CENPE: variants seen among roughly 807,000 people sequenced by gnomAD.
The protein encoded by CENPE is centromere-associated protein E.
In CENPE, 145 loss-of-function variants were observed where a neutral mutation model predicts 336.1. The ratio of observed to expected loss-of-function variants is 0.43; its 90% CI spans 0.38 to 0.50. The LOEUF is 0.50. CENPE is among the 20% of genes least tolerant of loss of function. The pLI is 0.00. For missense variants in CENPE, 2,719 were observed against 3,023.3 expected (o/e 0.90, Z 2.36); for synonymous variants, 1,013 against 984.8 (o/e 1.03, Z -0.54).
intron 44 of CENPE, among the ~76,000 whole-genome samples, chr4:103,118,179 G>A (rs1750307840): frequency 6.6e-6 from 1 of 152,178 alleles, no homozygotes; most frequent in African/African-American, 2.4e-5. Context: ...GTACCATTTT[G>A]CATTTCCACT....
chr4:103,189,719 T>C (rs1375670362), intron 8 of CENPE, among the ~76,000 whole-genome samples: 1 of 152,192 alleles, frequency 6.6e-6, no homozygotes, highest in Non-Finnish European at 1.5e-5. Flanking sequence ...GCATTCCCTT[T>C]AAAAACTGGC....
intron 8 of CENPE, among the ~76,000 whole-genome samples, chr4:103,190,066 C>T (rs968279896): frequency 1.1e-4 from 16 of 152,054 alleles, no homozygotes; most frequent in Non-Finnish European, 1.9e-4. Context: ...AATAAAATAC[C>T]TAGGAATCCA....
chr4:103,178,434 C>T (rs1257916403), intron 13 of CENPE, among the ~76,000 whole-genome samples: 1 of 152,136 alleles, frequency 6.6e-6, no homozygotes, highest in Non-Finnish European at 1.5e-5. Context: ...ACCTATTTCA[C>T]AAAGAAAGTA....
intron 39 of CENPE, among the ~76,000 whole-genome samples, chr4:103,137,684 C>T (rs917979540): frequency 1.3e-5 from 2 of 152,244 alleles, no homozygotes; most frequent in South Asian, 2.1e-4. Flanking sequence ...TTGGCTTTCC[C>T]TTCAATGTAT....
At chr4:103,125,708 T>A (rs1467301152) in intron 42 of CENPE, among the ~76,000 whole-genome samples, 1 of 150,584 alleles carries the variant, frequency 6.6e-6, no homozygotes, top group Non-Finnish European at 1.5e-5. Flanking sequence ...CTAAAAAAAA[T>A]ACAAAAATTA....
chr4:103,157,312 C>T (rs1033430099), intron 24 of CENPE, among the ~76,000 whole-genome samples: 4 of 151,952 alleles, frequency 2.6e-5, no homozygotes, highest in Admixed American at 6.6e-5. Context: ...GAGCTTTATT[C>T]ACAACAGCCA....
At chr4:103,132,970 A>G (rs1751737761) in intron 41 of CENPE, 74 bp from the exon 42 acceptor site, 1 of 188,300 alleles carries the variant, frequency 5.3e-6, no homozygotes, top group South Asian at 2.0e-4. Flanking sequence ...TTATATATAT[A>G]TATATATATA....
intron 47 of CENPE, among the ~76,000 whole-genome samples, chr4:103,109,441 C>T (rs1578524244): frequency 6.6e-6 from 1 of 152,124 alleles, no homozygotes; most frequent in African/African-American, 2.4e-5. Context: ...ACAAATTAGT[C>T]TCCTGGATAG....
intron 24 of CENPE, among the ~76,000 whole-genome samples, chr4:103,157,971 C>T (rs1193532984): frequency 1.3e-5 from 2 of 151,602 alleles, no homozygotes; most frequent in Admixed American, 1.3e-4. Flanking sequence ...TAAATGAAAC[C>T]CTGGTATAAC....
rs114848266 is a variant in CENPE, at chr4:103,137,053, G to T, written c.6304-694C>A. On this transcript the variant is annotated intron_variant, in intron 39 of 48. Transcript: ENST00000265148. ...ACAGACACAGTCATTTAACTTGAAG[G>T]AGACAAAATTATGTTTATAAACATG... Among the ~76,000 whole-genome samples, 1,482 of 152,212 alleles carry T rather than the reference G, an allele frequency of 9.7e-3. 29 individuals are homozygous for T. Among genetic ancestry groups the T allele is most frequent in the African/African-American group, 0.034 (1,417 of 41,500 alleles).
Position 103,112,587 on chromosome 4 carries a change from C to T in CENPE, c.7541-1576G>A, listed in dbSNP as rs188388210. ...ATGTATATATACTTATAAATGTATA[C>T]ATACTTATAAGTATATATAAGTCTG... On this transcript the variant is annotated intron_variant, in intron 46 of 48. Transcript: ENST00000265148. Among the ~76,000 whole-genome samples, 477 of 137,476 alleles carry T rather than the reference C, an allele frequency of 3.5e-3. 3 individuals are homozygous for T. The highest frequency in any genetic ancestry group is 0.011 in the African/African-American group (414 of 37,010). The allele number at this position is 137,476 out of a possible 152,430, so 90.2% of individuals were successfully genotyped here.
At chr4:103,191,142 G>A (rs372483293) in intron 8 of CENPE, among the ~76,000 whole-genome samples, 1 of 152,016 alleles carries the variant, frequency 6.6e-6, no homozygotes, top group African/African-American at 2.4e-5. Context: ...AAAAGTCAGG[G>A]AACAACAGGT....
At chr4:103,195,316 G>T in intron 4 of CENPE, 83 bp from the exon 5 acceptor site, 1 of 1,217,118 alleles carries the variant, frequency 8.2e-7, no homozygotes, top group Non-Finnish European at 1.1e-6. Flanking sequence ...TGCTTAAAGA[G>T]GTAAAATGTA....
chr4:103,127,108 A>AC (rs1332345428), intron 42 of CENPE, among the ~76,000 whole-genome samples: 7 of 150,830 alleles, frequency 4.6e-5, no homozygotes, highest in Non-Finnish European at 1.0e-4. Context: ...AAAAAAAAAA[A>AC]AAAACCAAAA....
At chr4:103,162,710 G>A (rs12511516) in intron 18 of CENPE, among the ~76,000 whole-genome samples, 27,156 of 151,572 alleles carry the variant, frequency 0.18, 2,547 homozygotes, top group Middle Eastern at 0.31. Flanking sequence ...GTAGCTGGCA[G>A]TACCTGCCAG....
chr4:103,133,593 A>T, intron 41 of CENPE, 102 bp downstream of exon 41: 1 of 798,492 alleles, frequency 1.3e-6, no homozygotes, highest in Non-Finnish European at 2.0e-6. Context: ...ACGTATTTTT[A>T]ATTTCTGGTA....
intron 13 of CENPE, among the ~76,000 whole-genome samples, chr4:103,178,439 A>G (rs970717394): frequency 1.3e-5 from 2 of 152,224 alleles, no homozygotes; most frequent in South Asian, 2.1e-4. Context: ...TTTCACAAAG[A>G]AAGTATAAAC....
At position 103,140,238 on chromosome 4, in the gene CENPE, G is replaced by T. The variant is rs1405943550; in HGVS notation, c.5913+18C>A. On this transcript the variant is annotated intron_variant, in intron 37 of 48. Transcript: ENST00000265148. ...TTGGGCACAGTTACTTCCAAAAGAAGAACAAAACAACACATACCTTTTTCT... is the reference window on the plus strand; with the variant it reads ...TTGGGCACAGTTACTTCCAAAAGAATAACAAAACAACACATACCTTTTTCT... 1.3e-6 allele frequency: 2 copies of T among 1,573,414 alleles called. No individual in the cohort carries two copies. The highest frequency in any genetic ancestry group is 2.4e-5 in the South Asian group (2 of 83,602).
At position 103,144,443 on chromosome 4, in the gene CENPE, A is replaced by G; in HGVS notation, c.5033T>C (p.Leu1678Pro). Residue 1678 changes from leucine (L) to proline (P), a missense_variant, in exon 33 of 49, where the codon CTT (leucine) becomes CCT (proline). Coordinates refer to ENST00000265148, the MANE Select transcript of CENPE (RefSeq NM_001813.3). ...TTTTGTTACAGATCTCATTTCTTCA[A>G]GGTTTTCATGTAGTATCTGAGTCAA... Reference protein sequence around the residue: ...IRLTQILHENLEEMRSVTKER... With the variant: ...IRLTQILHENPEEMRSVTKER... 2 of 1,614,002 alleles carry G rather than the reference A, an allele frequency of 1.2e-6. No homozygotes were observed. Among genetic ancestry groups the G allele is most frequent in the East Asian group, 2.2e-5 (1 of 44,864 alleles).
Sources: allele counts gnomAD v4.1 joint callset (sites outside exome capture counted in the v4.1 genomes callset), GRCh38; gene constraint gnomAD v4.1.1; transcripts MANE v1.5; gene names NCBI Gene and HGNC (gene_info 2026-07-23, HGNC 2026-07-21).